The following LIN9 variants were observed in gnomAD, a reference collection of about 807,000 sequenced individuals.
LIN9 encodes lin-9 DREAM MuvB core complex component.
In LIN9, 18 loss-of-function variants were observed where a neutral mutation model predicts 78.0. The ratio of observed to expected loss-of-function variants is 0.23; its 90% CI spans 0.16 to 0.34. The LOEUF (loss-of-function observed/expected upper bound fraction) is 0.34, where lower values mean the gene tolerates loss of function less well. Among genes scored for constraint, LIN9 ranks in the 10% least tolerant of loss-of-function variants. The probability of loss-of-function intolerance (pLI) is 1.00; values close to 1 mark genes in which losing one functional copy is unlikely to be tolerated. For synonymous variants in LIN9, 192 were observed against 215.2 expected, an observed-to-expected ratio of 0.89 and a Z score of 0.94; for missense variants, 451 against 644.1, an observed-to-expected ratio of 0.70 and a Z score of 3.25.
intron 1 of LIN9, among the ~76,000 whole-genome samples, chr1:226,306,373 C>A (rs2102690657): frequency 6.6e-6 from 1 of 151,872 alleles, no homozygotes; most frequent in Admixed American, 6.6e-5. Flanking sequence ...AAGAAAATCT[C>A]TAGGTTTCTG....
rs527337008 is a variant in LIN9, at chr1:226,284,372, G to A, written c.524+1961C>T. 3.9e-5 allele frequency among the ~76,000 whole-genome samples: 6 copies of A among 152,044 alleles called. No homozygotes were observed. In the South Asian group the frequency reaches 1.2e-3, roughly 32 times the overall value. ...CTCTCTTCATTACTTTGCTTTTTCA[G>A]AATTTTCCTGCTTGATTTCTCCCCT... On this transcript the variant is annotated intron_variant, in intron 6 of 14. Transcript: ENST00000681046.
chr1:226,274,988 C>CT (rs1379931272), intron 7 of LIN9, among the ~76,000 whole-genome samples: 1 of 152,044 alleles, frequency 6.6e-6, no homozygotes, highest in Non-Finnish European at 1.5e-5. Flanking sequence ...CTATTGATGG[C>CT]TTTTTTATTG....
chr1:226,271,053 T>C (rs1054546159), intron 7 of LIN9, among the ~76,000 whole-genome samples: 1 of 152,124 alleles, frequency 6.6e-6, no homozygotes, highest in African/African-American at 2.4e-5. Flanking sequence ...TCTTAACAAA[T>C]CAATGATTTT....
At chr1:226,233,988 T>C (rs1337789604) in intron 12 of LIN9, among the ~76,000 whole-genome samples, 2 of 152,210 alleles carry the variant, frequency 1.3e-5, no homozygotes. Flanking sequence ...TTTGTTTCCT[T>C]ATGATTAGAC....
chr1:226,237,619 C>T (rs1289233658), intron 12 of LIN9, among the ~76,000 whole-genome samples: 27 of 76,306 alleles, frequency 3.5e-4, no homozygotes, highest in African/African-American at 1.0e-3. Context: ...GCAACAAGGG[C>T]GAAACTCTGT....
chr1:226,307,100 T>C (rs1576369719), intron 1 of LIN9, among the ~76,000 whole-genome samples: 1 of 152,348 alleles, frequency 6.6e-6, no homozygotes, highest in Non-Finnish European at 1.5e-5. Context: ...CAGTAAATTC[T>C]CAATAAATGC....
intron 10 of LIN9, among the ~76,000 whole-genome samples, chr1:226,256,309 A>C (rs1358042612): frequency 6.6e-6 from 1 of 152,114 alleles, no homozygotes; most frequent in Non-Finnish European, 1.5e-5. Context: ...TTCTTCTTAG[A>C]AACCAGGCAA....
chr1:226,261,864 C>T (rs1659607802), intron 10 of LIN9, among the ~76,000 whole-genome samples: 1 of 152,102 alleles, frequency 6.6e-6, no homozygotes, highest in Non-Finnish European at 1.5e-5. Context: ...TATTCAACTT[C>T]AAAACATACT....
At chr1:226,293,428 C>T (rs760682150) in intron 4 of LIN9, among the ~76,000 whole-genome samples, 3 of 152,162 alleles carry the variant, frequency 2.0e-5, no homozygotes, top group Non-Finnish European at 4.4e-5. Flanking sequence ...TCTAGATTAT[C>T]CTAGTAACAT....
At chr1:226,292,671 A>AG (rs1046680583) in intron 4 of LIN9, among the ~76,000 whole-genome samples, 2 of 152,086 alleles carry the variant, frequency 1.3e-5, no homozygotes, top group African/African-American at 4.8e-5. Context: ...CTGTTGCCCA[A>AG]GCTGGTCTCA....
At chr1:226,275,561 C>T (rs372158004) in intron 7 of LIN9, among the ~76,000 whole-genome samples, 7 of 151,796 alleles carry the variant, frequency 4.6e-5, no homozygotes, top group Admixed American at 6.6e-5. Context: ...GGTGTGGTGG[C>T]GTGCACCTGC....
intron 14 of LIN9, 173 bp from the exon 15 acceptor site, chr1:226,232,779 T>G: frequency 2.0e-6 from 1 of 512,586 alleles, no homozygotes; most frequent in Non-Finnish European, 3.4e-6. Context: ...TGAACAAATA[T>G]GCTCTAAAGA....
chr1:226,254,637 C>T (rs1051559713), intron 10 of LIN9, among the ~76,000 whole-genome samples: 1 of 152,000 alleles, frequency 6.6e-6, no homozygotes, highest in Non-Finnish European at 1.5e-5. Context: ...CTTGGCCAGG[C>T]GCGGTGGCTC....
In LIN9 at chr1:226,232,619, G is replaced by C. The variant is rs1223108297; in HGVS notation, c.1524-13C>G. ...ATTCTGAAAGCAACTAAAGAAAGAAGAAACATGGTTAACTACTTTATTTCA... is the reference window on the plus strand; with the variant it reads ...ATTCTGAAAGCAACTAAAGAAAGAACAAACATGGTTAACTACTTTATTTCA... On this transcript the variant is annotated splice_polypyrimidine_tract_variant and intron_variant, in intron 14 of 14. Coordinates refer to ENST00000681046, the MANE Select transcript of LIN9 (RefSeq NM_001366245.2). 1.1e-5 allele frequency: 16 copies of C among 1,511,226 alleles called. No homozygotes were observed. The Admixed American group carries it at 2.1e-4, about 20-fold the overall frequency. The allele number at this position is 1,511,226 out of a possible 1,614,324, so 93.6% of individuals were successfully genotyped here.
chr1:226,283,277 A>AT (rs1558192477), intron 6 of LIN9, among the ~76,000 whole-genome samples: 3 of 97,530 alleles, frequency 3.1e-5, no homozygotes, highest in Admixed American at 1.0e-4. Flanking sequence ...GTAATTTTTG[A>AT]ATTTTTTTTT....
chr1:226,243,695 CAAAAA>C (rs532381607), intron 11 of LIN9, among the ~76,000 whole-genome samples: 1 of 35,404 alleles, frequency 2.8e-5, no homozygotes, highest in Non-Finnish European at 6.0e-5. Flanking sequence ...GACTCCGTCT[CAAAAA>C]AAAAAAAAAA....
At chr1:226,304,411 C>A (rs1011770590) in intron 1 of LIN9, among the ~76,000 whole-genome samples, 3 of 152,036 alleles carry the variant, frequency 2.0e-5, no homozygotes, top group African/African-American at 4.8e-5. Context: ...CTGTTAGGGG[C>A]GAGGGTTACC....
chr1:226,267,251 A>ATATATG (rs1190484127), intron 8 of LIN9, among the ~76,000 whole-genome samples: 7 of 138,682 alleles, frequency 5.0e-5, no homozygotes, highest in African/African-American at 1.8e-4. Flanking sequence ...ATATATATAT[A>ATATATG]TATTTCTTTT....
At chr1:226,272,248 GT>G (rs1660328378) in intron 7 of LIN9, among the ~76,000 whole-genome samples, 2 of 151,848 alleles carry the variant, frequency 1.3e-5, no homozygotes, top group Admixed American at 1.3e-4. Flanking sequence ...TGGAGACGGG[GT>G]TTCACCATGT....
Sources: allele counts gnomAD v4.1 joint callset (sites outside exome capture counted in the v4.1 genomes callset), GRCh38; gene constraint gnomAD v4.1.1; transcripts MANE v1.5; gene names NCBI Gene and HGNC (gene_info 2026-07-23, HGNC 2026-07-21).